MGST1: variants seen among roughly 807,000 people sequenced by gnomAD.
MGST1 encodes the protein glutathione S-transferase 12.
A neutral mutation model predicts 8.9 loss-of-function variants in MGST1; 5 were observed. That is an observed-to-expected ratio of 0.56 (90% CI 0.29 to 1.19). The LOEUF is 1.19. Among genes scored for constraint, MGST1 ranks in the 50% most tolerant of loss-of-function variants. The pLI, the probability that MGST1 is intolerant of heterozygous loss-of-function variation, is 0.08. For synonymous variants in MGST1, 54 were observed against 67.8 expected, an observed-to-expected ratio of 0.80 and a Z score of 1.00; for missense variants, 182 against 187.4, an observed-to-expected ratio of 0.97 and a Z score of 0.17.
intron 1 of MGST1, chr12:16,383,684 C>T (rs1366998796): frequency 6.6e-6 from 1 of 152,204 alleles, no homozygotes; most frequent in Non-Finnish European, 1.5e-5. Flanking sequence ...TGGTCTCAAA[C>T]TTCTGACCTC....
chr12:16,567,724 G>T (rs559466715), intron 4 of MGST1: 3 of 152,316 alleles, frequency 2.0e-5, no homozygotes, highest in Non-Finnish European at 4.4e-5. Context: ...GGTGATGACA[G>T]CTTGGATGAT....
chr12:16,444,520 A>G (rs895003757), intron 4 of MGST1, among the ~76,000 whole-genome samples: 1 of 151,934 alleles, frequency 6.6e-6, no homozygotes, highest in Non-Finnish European at 1.5e-5. Flanking sequence ...TATCTTTCAA[A>G]GTAACTCCTA....
downstream of MGST1, among the ~76,000 whole-genome samples, chr12:16,592,249 A>T (rs1806835477): frequency 6.6e-6 from 1 of 152,036 alleles, no homozygotes; most frequent in Non-Finnish European, 1.5e-5. Context: ...AAAGCAAGTA[A>T]TCATAAACAC....
At chr12:16,521,633 T>G (rs1941648899) in intron 4 of MGST1, among the ~76,000 whole-genome samples, 1 of 152,124 alleles carries the variant, frequency 6.6e-6, no homozygotes, top group South Asian at 2.1e-4. Flanking sequence ...AAAGCTTTTG[T>G]GTGTGTGTGG....
intron 4 of MGST1, among the ~76,000 whole-genome samples, chr12:16,526,538 TA>T (rs1251685413): frequency 2.0e-5 from 3 of 151,958 alleles, no homozygotes; most frequent in Non-Finnish European, 4.4e-5. Context: ...TGGAAAAAAA[TA>T]AAATTCCTAT....
At chr12:16,541,748 T>A (rs1941794635) in intron 4 of MGST1, among the ~76,000 whole-genome samples, 1 of 152,154 alleles carries the variant, frequency 6.6e-6, no homozygotes, top group African/African-American at 2.4e-5. Context: ...GACATCATAC[T>A]TCGGGCTTTT....
In MGST1 at chr12:16,401,403, G is replaced by C; in HGVS notation, n.778+17799G>C. 9.8e-7 allele frequency: 1 copy of C among 1,018,222 alleles called. No individual in the cohort carries two copies. Among genetic ancestry groups the C allele is most frequent in the South Asian group, 1.3e-5 (1 of 79,054 alleles). The allele number at this position is 1,018,222 out of a possible 1,614,324, so 63.1% of individuals were successfully genotyped here. On this transcript the variant is annotated intron_variant and non_coding_transcript_variant, in intron 1 of 1. Coordinates refer to the MGST1 transcript ENST00000359720. The surrounding 1 kb of genome is among the most constrained non-coding windows in gnomAD (Gnocchi z 4.3). ...CTAGGTTTCTGGTAATTTTGTTCAG[G>C]AGTTCTGGCTTCTGCTTTTTAGCCA...
At chr12:16,562,094 G>T (rs1010664956) in intron 4 of MGST1, among the ~76,000 whole-genome samples, 12 of 152,078 alleles carry the variant, frequency 7.9e-5, no homozygotes, top group African/African-American at 2.9e-4. Flanking sequence ...GAAAGAACTT[G>T]CTCGAAAATG....
intron 1 of MGST1, among the ~76,000 whole-genome samples, chr12:16,432,373 T>C (rs1940945210): frequency 6.6e-6 from 1 of 152,042 alleles, no homozygotes; most frequent in Admixed American, 6.6e-5. Flanking sequence ...GGTTTAAAAA[T>C]CCACAATAAG....
At chr12:16,431,256 G>A (rs1940937696) in intron 1 of MGST1, among the ~76,000 whole-genome samples, 1 of 152,192 alleles carries the variant, frequency 6.6e-6, no homozygotes, top group African/African-American at 2.4e-5. Context: ...CTCCATATCA[G>A]CAATTAGGCT....
rs1159254946 is a variant in MGST1, at chr12:16,458,075, A to G, written n.482+74471A>G. On this transcript the variant is annotated intron_variant and non_coding_transcript_variant, in intron 4 of 4. Coordinates refer to the MGST1 transcript ENST00000538857. The surrounding 1 kb of genome is among the most constrained non-coding windows in gnomAD (Gnocchi z 4.0). ...ACACTGAAATTGTTTAATAGAAAAT[A>G]TAATTGCTTATTCATACAGAATACC... Among the ~76,000 whole-genome samples, 1 of 152,062 alleles carries G rather than the reference A, an allele frequency of 6.6e-6. No homozygotes were observed. Among genetic ancestry groups the G allele is most frequent in the East Asian group, 1.9e-4 (1 of 5,180 alleles).
chr12:16,416,497 C>T (rs1391258896), intron 1 of MGST1, among the ~76,000 whole-genome samples: 2 of 148,432 alleles, frequency 1.3e-5, no homozygotes. Context: ...CCAGCATGGT[C>T]ATTCTGGTGA....
intron 4 of MGST1, among the ~76,000 whole-genome samples, chr12:16,485,588 T>C (rs1039463296): frequency 6.6e-6 from 1 of 152,252 alleles, no homozygotes; most frequent in Non-Finnish European, 1.5e-5. Flanking sequence ...TATTATCTTT[T>C]ACCGTTCTCA....
intron 4 of MGST1, among the ~76,000 whole-genome samples, chr12:16,528,783 CATAACATATAT>C (rs1286727041): frequency 6.6e-6 from 1 of 151,922 alleles, no homozygotes; most frequent in Non-Finnish European, 1.5e-5. Context: ...AGTAGTTTAC[CATAACATATAT>C]AAGTATGAAG....
intron 4 of MGST1, among the ~76,000 whole-genome samples, chr12:16,553,894 G>C (rs1942084771): frequency 6.6e-6 from 1 of 150,844 alleles, no homozygotes. Flanking sequence ...ATTATGAAAG[G>C]AGTGATAGCC....
intron 4 of MGST1, among the ~76,000 whole-genome samples, chr12:16,471,934 CACACACAG>C (rs1341583100): frequency 6.6e-6 from 1 of 151,988 alleles, no homozygotes; most frequent in Non-Finnish European, 1.5e-5. Flanking sequence ...CACACACACA[CACACACAG>C]ACACCAATGT....
chr12:16,354,186 G>T (rs1939601546), intron 1 of MGST1, 45 bp from the exon 2 acceptor site: 3 of 1,371,556 alleles, frequency 2.2e-6, no homozygotes. Flanking sequence ...AGTTATTTTG[G>T]GTATTTATGT....
chr12:16,525,830 G>A (rs1941682826), intron 4 of MGST1, among the ~76,000 whole-genome samples: 1 of 151,280 alleles, frequency 6.6e-6, no homozygotes. Flanking sequence ...TTTAATGATT[G>A]CCATTCTAAC....
At position 16,364,108 on chromosome 12, in the gene MGST1, T is replaced by C. The variant is rs1322930947; in HGVS notation, c.*67T>C. Reference sequence around the variant, plus strand: ...TTCTGTACTTCCAATTTATAATGAATACTTTCTTAGATTTTAGGTAGGAGG... The same window carrying C: ...TTCTGTACTTCCAATTTATAATGAACACTTTCTTAGATTTTAGGTAGGAGG... On this transcript the variant is annotated 3_prime_UTR_variant, in exon 4 of 4. Transcript: ENST00000396210. The surrounding 1 kb of genome is among the most constrained non-coding windows in gnomAD (Gnocchi z 5.7). The C allele has an allele frequency of 1.3e-6, 2 of 1,509,344 alleles. No homozygotes were observed. The highest frequency in any genetic ancestry group is 8.9e-7 in the Non-Finnish European group (1 of 1,128,232). 93.5% of individuals were successfully genotyped at this position (1,509,344 alleles called of 1,614,324 possible).
Sources: gnomAD v4.1 joint callset for allele counts (sites outside exome capture counted in the v4.1 genomes callset) on GRCh38, gnomAD v4.1.1 for gene constraint, Gnocchi (gnomAD v3.1) non-coding constraint, MANE v1.5 for transcripts, NCBI Gene and HGNC (gene_info 2026-07-23, HGNC 2026-07-21) for gene names.